Variants in SGCD observed in about 807,000 individuals in gnomAD.
SGCD encodes the protein sarcoglycan delta.
Under a neutral mutation model 36.6 loss-of-function variants are expected in SGCD, and 18 were observed. That is an observed-to-expected ratio of 0.49 (90% CI 0.34 to 0.73). The LOEUF (loss-of-function observed/expected upper bound fraction) is 0.73. Among genes scored for constraint, SGCD ranks in the 30% least tolerant of loss-of-function variants. The pLI, the probability that SGCD is intolerant of heterozygous loss-of-function variation, is 0.01. For missense variants in SGCD, 387 were observed against 346.7 expected (o/e 1.12, Z -0.92); for synonymous variants, 133 against 130.6 (o/e 1.02, Z -0.12).
intron 1 of SGCD, among the ~76,000 whole-genome samples, chr5:155,924,886 T>C (rs1756964260): frequency 6.6e-6 from 1 of 152,238 alleles, no homozygotes; most frequent in South Asian, 2.1e-4. Context: ...TATACCGTCC[T>C]ATGCATATTG....
rs370476579 is a variant in SGCD, at chr5:156,567,576, C to T, written c.295-21655C>T. On this transcript the variant is annotated intron_variant, in intron 4 of 8. Coordinates refer to ENST00000337851, the MANE Select transcript of SGCD (RefSeq NM_000337.6). ...TTCCTTTTGCCCAGGGAAGGTCAGC[C>T]TTCGTCCTGTTTAGGCCTTCAACTG... 2.4e-4 allele frequency among the ~76,000 whole-genome samples: 37 copies of T among 152,208 alleles called. No homozygotes were observed. In the South Asian group the frequency reaches 5.0e-3, roughly 20 times the overall value.
chr5:156,308,926 T>C (rs566947442), intron 3 of SGCD, among the ~76,000 whole-genome samples: 1 of 152,340 alleles, frequency 6.6e-6, no homozygotes, highest in African/African-American at 2.4e-5. Flanking sequence ...ATTTGTAAAA[T>C]ATTACATACT....
intron 3 of SGCD, among the ~76,000 whole-genome samples, chr5:156,467,392 AC>A (rs893528808): frequency 2.6e-5 from 4 of 152,286 alleles, no homozygotes; most frequent in African/African-American, 9.6e-5. Flanking sequence ...GTTAGAACAA[AC>A]CATCACATTT....
chr5:156,399,357 A>G (rs1772024864), intron 3 of SGCD, among the ~76,000 whole-genome samples: 1 of 152,224 alleles, frequency 6.6e-6, no homozygotes, highest in South Asian at 2.1e-4. Context: ...AATATTCTCT[A>G]TAACCTGTTT....
intron 3 of SGCD, among the ~76,000 whole-genome samples, chr5:156,143,002 A>G (rs1344123968): frequency 6.6e-6 from 1 of 152,230 alleles, no homozygotes; most frequent in Non-Finnish European, 1.5e-5. Flanking sequence ...CATTTAAGAA[A>G]CAGTTGAAGA....
At chr5:156,417,421 A>C (rs1773103638) in intron 3 of SGCD, among the ~76,000 whole-genome samples, 1 of 152,210 alleles carries the variant, frequency 6.6e-6, no homozygotes, top group Non-Finnish European at 1.5e-5. Flanking sequence ...TGGATAAAGC[A>C]AATGAATTAA....
intron 1 of SGCD, among the ~76,000 whole-genome samples, chr5:156,024,826 C>T (rs530643428): frequency 2.6e-5 from 4 of 151,836 alleles, no homozygotes; most frequent in South Asian, 2.1e-4. Flanking sequence ...GGCATGGTGG[C>T]GTGTGCCTGT....
intron 6 of SGCD, among the ~76,000 whole-genome samples, chr5:156,614,899 A>C (rs554432447): frequency 6.6e-6 from 1 of 152,298 alleles, no homozygotes; most frequent in East Asian, 1.9e-4. Context: ...CCTAGTCTTC[A>C]GGGCCTTGCT....
intron 6 of SGCD, among the ~76,000 whole-genome samples, chr5:156,611,417 C>A (rs1761801970): frequency 6.6e-6 from 1 of 152,172 alleles, no homozygotes; most frequent in Non-Finnish European, 1.5e-5. Context: ...TCACTTAACA[C>A]TTTGAATATA....
Position 156,135,171 on chromosome 5 carries a change from T to C in SGCD, c.-44+11152T>C, listed in dbSNP as rs796086469. On this transcript the variant is annotated intron_variant, in intron 3 of 9. Transcript: ENST00000517913. Reference sequence around the variant, plus strand: ...AGTTTTAAAATAGGTCATTTTCTCATGACTTATTGATTCTTTTTGGATTTT... The same window carrying C: ...AGTTTTAAAATAGGTCATTTTCTCACGACTTATTGATTCTTTTTGGATTTT... Among the ~76,000 whole-genome samples, 35 of 152,352 alleles carry C rather than the reference T, an allele frequency of 2.3e-4. 1 individual carries two copies. Among genetic ancestry groups the C allele is most frequent in the African/African-American group, 7.2e-4 (30 of 41,582 alleles).
chr5:156,158,060 T>C (rs35606822), intron 3 of SGCD, among the ~76,000 whole-genome samples: 1,323 of 131,368 alleles, frequency 0.01, 17 homozygotes, highest in Non-Finnish European at 0.012. Context: ...GGTTTTTTGC[T>C]TTTTTTTTTT....
intron 7 of SGCD, among the ~76,000 whole-genome samples, chr5:156,689,674 T>G: frequency 6.6e-6 from 1 of 152,182 alleles, no homozygotes; most frequent in Non-Finnish European, 1.5e-5. Flanking sequence ...GGATTTCGTG[T>G]TTGTTGGCAA....
intron 7 of SGCD, among the ~76,000 whole-genome samples, chr5:156,670,260 CT>C (rs1753233436): frequency 6.6e-6 from 1 of 152,156 alleles, no homozygotes; most frequent in African/African-American, 2.4e-5. Context: ...AATCTCTCAG[CT>C]TTTTAGAGCA....
intron 3 of SGCD, among the ~76,000 whole-genome samples, chr5:156,140,166 A>G (rs1762545368): frequency 6.6e-6 from 1 of 152,250 alleles, no homozygotes. Flanking sequence ...ATTACAAGAT[A>G]GAAACCAGAA....
intron 6 of SGCD, among the ~76,000 whole-genome samples, chr5:156,634,887 C>G (rs1435874439): frequency 6.6e-6 from 1 of 152,016 alleles, no homozygotes; most frequent in Non-Finnish European, 1.5e-5. Flanking sequence ...AAGCCGCAGA[C>G]AAAGCTAAAG....
intron 3 of SGCD, among the ~76,000 whole-genome samples, chr5:156,380,630 G>C (rs1770927004): frequency 6.6e-6 from 1 of 152,182 alleles, no homozygotes; most frequent in African/African-American, 2.4e-5. Context: ...GACTGATGTA[G>C]GTTAGACACC....
At chr5:155,914,534 T>A (rs1756697541) in intron 1 of SGCD, among the ~76,000 whole-genome samples, 1 of 152,164 alleles carries the variant, frequency 6.6e-6, no homozygotes, top group South Asian at 2.1e-4. Flanking sequence ...CCTGCCACAG[T>A]GATATCTGTA....
the SGCD span, among the ~76,000 whole-genome samples, chr5:155,747,868 T>A: frequency 6.6e-6 from 1 of 152,186 alleles, no homozygotes; most frequent in Non-Finnish European, 1.5e-5. Context: ...ACCCTATCTC[T>A]TCTAATCAAC....
intron 1 of SGCD, among the ~76,000 whole-genome samples, chr5:156,107,065 C>A (rs1761666711): frequency 6.6e-6 from 1 of 152,064 alleles, no homozygotes; most frequent in African/African-American, 2.4e-5. Flanking sequence ...TAATTAAGTT[C>A]TTTTCTGAAT....
Sources: allele counts gnomAD v4.1 joint callset (sites outside exome capture counted in the v4.1 genomes callset), GRCh38; gene constraint gnomAD v4.1.1; transcripts MANE v1.5; gene names NCBI Gene and HGNC (gene_info 2026-07-23, HGNC 2026-07-21).